The following PRRX2 variants were observed in gnomAD, a reference collection of about 807,000 sequenced individuals.
PRRX2 encodes the protein paired mesoderm homeobox protein 2.
In PRRX2, 11 loss-of-function variants were observed where a neutral mutation model predicts 18.0. The ratio of observed to expected loss-of-function variants is 0.61; its 90% CI spans 0.39 to 1.01. PRRX2 has a LOEUF of 1.01. PRRX2 is among the 50% of genes least tolerant of loss of function. PRRX2 has a pLI of 0.01. For missense variants in PRRX2, 387 were observed against 351.0 expected (o/e 1.10, Z -0.82); for synonymous variants, 177 against 154.8 (o/e 1.14, Z -1.06).
chr9:129,696,523 C>G (rs950548778), intron 1 of PRRX2, among the ~76,000 whole-genome samples: 1 of 152,130 alleles, frequency 6.6e-6, no homozygotes, highest in Non-Finnish European at 1.5e-5. Context: ...TGCAGCGGAG[C>G]CCAGATCGCG....
Position 129,675,179 on chromosome 9 carries a change from T to TGCG in PRRX2, c.259+9054_259+9056dup, listed in dbSNP as rs1454591116. On this transcript the variant is annotated intron_variant, in intron 1 of 3. Transcript: ENST00000372469. The surrounding 1 kb of genome is among the most constrained non-coding windows in gnomAD (Gnocchi z 4.4). ...CCAGTATACAGGAGAGGGAGGGGGCTGCGCTGAGGCTAAGCCCCAGCATCC... is the reference window on the plus strand; with the variant it reads ...CCAGTATACAGGAGAGGGAGGGGGCTGCGGCGCTGAGGCTAAGCCCCAGCATCC... 1.3e-5 allele frequency among the ~76,000 whole-genome samples: 2 copies of TGCG among 152,146 alleles called. No individual in the cohort carries two copies. The highest frequency in any genetic ancestry group is 2.9e-5 in the Non-Finnish European group (2 of 68,004).
chr9:129,707,543 T>C (rs986837711), intron 1 of PRRX2, among the ~76,000 whole-genome samples: 1 of 152,064 alleles, frequency 6.6e-6, no homozygotes, highest in African/African-American at 2.4e-5. Context: ...CCCAGTACTT[T>C]GGGAGGCCAA....
chr9:129,692,702 G>C (rs944304385), intron 1 of PRRX2, among the ~76,000 whole-genome samples: 1 of 152,142 alleles, frequency 6.6e-6, no homozygotes, highest in South Asian at 2.1e-4. Flanking sequence ...ATCCATGTAA[G>C]TTTCTTCCAC....
chr9:129,690,042 C>T (rs1045460996), intron 1 of PRRX2, among the ~76,000 whole-genome samples: 5 of 152,026 alleles, frequency 3.3e-5, no homozygotes, highest in African/African-American at 4.8e-5. Flanking sequence ...TGAGCCACCG[C>T]GCCTGGCCAA....
At position 129,665,923 on chromosome 9, in the gene PRRX2, C is replaced by A; in HGVS notation, c.56C>A (p.Pro19Gln). The change falls in exon 1 of 4, where the codon CCG becomes CAG. Residue 19 changes from proline (P) to glutamine (Q), a missense_variant. Pro to Gln is a moderately conservative substitution (Grantham distance 76, BLOSUM62 -1). Transcript: ENST00000372469. This position sits in a 1 kb window ranked among gnomAD's most constrained non-coding sequence, Gnocchi z 5.3. The stretch of plus-strand genomic sequence containing the variant: ...GACAAGCCGGCGCTGGGCCCGGGGC[C>A]GCCGCCGCCTCCACCCGCGCTGGGG... The part of the protein sequence containing the change: ...ALDKPALGPG[P>Q]PPPPPALGPG... The A allele has an allele frequency of 1.8e-6, 2 of 1,113,300 alleles. No individual in the cohort carries two copies. Among genetic ancestry groups the A allele is most frequent in the Non-Finnish European group, 2.2e-6 (2 of 913,162 alleles). 69.0% of individuals were successfully genotyped at this position (1,113,300 alleles called of 1,614,324 possible).
Position 129,709,122 on chromosome 9 carries a change from C to T in PRRX2, c.260-10109C>T, listed in dbSNP as rs942224412. Among the ~76,000 whole-genome samples, 6 of 152,014 alleles carry T rather than the reference C, an allele frequency of 3.9e-5. No individual in the cohort carries two copies. The highest frequency in any genetic ancestry group is 1.3e-4 in the Admixed American group (2 of 15,248). Reference sequence around the variant, plus strand: ...AGGGCTGGGTCAGCTTTAGCCAGTGCGGTGGGGATGGGGGAAGGGTGCCCT... The same window carrying T: ...AGGGCTGGGTCAGCTTTAGCCAGTGTGGTGGGGATGGGGGAAGGGTGCCCT... On this transcript the variant is annotated intron_variant, in intron 1 of 3. Transcript: ENST00000372469. The surrounding 1 kb of genome is among the most constrained non-coding windows in gnomAD (Gnocchi z 4.2).
intron 1 of PRRX2, among the ~76,000 whole-genome samples, chr9:129,698,332 G>C (rs185705111): frequency 6.6e-6 from 1 of 151,826 alleles, no homozygotes; most frequent in Admixed American, 6.6e-5. Context: ...AAGACCAGGC[G>C]GTGGTGCTGC....
rs1002451578 is a variant in PRRX2 at position 129,695,783 on chromosome 9, T to C, written c.260-23448T>C. Among the ~76,000 whole-genome samples, 10 of 152,242 alleles carry C rather than the reference T, an allele frequency of 6.6e-5. No homozygotes were observed. Among genetic ancestry groups the C allele is most frequent in the South Asian group, 2.1e-4 (1 of 4,834 alleles). On this transcript the variant is annotated intron_variant, in intron 1 of 3. Transcript: ENST00000372469. The surrounding 1 kb of genome is among the most constrained non-coding windows in gnomAD (Gnocchi z 4.8). ...GAACTTTTTAAAAGTGAGTTTTTTTTCTAAAATCCAGAATTTCTGACAGCC... is the reference window on the plus strand; with the variant it reads ...GAACTTTTTAAAAGTGAGTTTTTTTCCTAAAATCCAGAATTTCTGACAGCC...
At position 129,675,296 on chromosome 9, in the gene PRRX2, C is replaced by T. The variant is rs1164526036; in HGVS notation, c.259+9170C>T. On this transcript the variant is annotated intron_variant, in intron 1 of 3. Transcript: ENST00000372469. The surrounding 1 kb of genome is among the most constrained non-coding windows in gnomAD (Gnocchi z 4.4). ...TCCACCAGCATCCATTGAGCACCTACTGAGTACCAGCCCAAGGCAGCCCAG... is the reference window on the plus strand; with the variant it reads ...TCCACCAGCATCCATTGAGCACCTATTGAGTACCAGCCCAAGGCAGCCCAG... Among the ~76,000 whole-genome samples, 1 of 152,194 alleles carries T rather than the reference C, an allele frequency of 6.6e-6. No individual in the cohort carries two copies. Among genetic ancestry groups the T allele is most frequent in the African/African-American group, 2.4e-5 (1 of 41,458 alleles).
At chr9:129,705,855 C>T (rs1832550674) in intron 1 of PRRX2, among the ~76,000 whole-genome samples, 4 of 151,726 alleles carry the variant, frequency 2.6e-5, no homozygotes, top group South Asian at 2.1e-4. Flanking sequence ...GCAGGTGGAT[C>T]GCCTGAGGTC....
rs368281989 is a variant in PRRX2, at chr9:129,700,313, A to AT, written c.260-18909dup. 2.1e-3 allele frequency among the ~76,000 whole-genome samples: 281 copies of AT among 136,528 alleles called. 3 individuals carry two copies. Among genetic ancestry groups the AT allele is most frequent in the African/African-American group, 6.8e-3 (247 of 36,350 alleles). 89.6% of individuals were successfully genotyped at this position (136,528 alleles called of 152,430 possible). ...CAGCTCTTCCTCAGTGGGGTGCTGT[A>AT]TTTTTTTTTGGTTTGTTGTTGTTGT... On this transcript the variant is annotated intron_variant, in intron 1 of 3. Coordinates refer to ENST00000372469, the MANE Select transcript of PRRX2 (RefSeq NM_016307.4).
chr9:129,720,048 C>T (rs529447399), intron 2 of PRRX2, among the ~76,000 whole-genome samples: 1 of 151,948 alleles, frequency 6.6e-6, no homozygotes, highest in Non-Finnish European at 1.5e-5. Context: ...TAGAACAATG[C>T]CTGGCACCAA....
chr9:129,692,937 C>T (rs77317423), intron 1 of PRRX2, among the ~76,000 whole-genome samples: 2,589 of 152,216 alleles, frequency 0.017, 80 homozygotes, highest in African/African-American at 0.057. Context: ...CCAAATCGTA[C>T]GGTAAAAGTA....
chr9:129,672,142 G>A (rs1459653024), intron 1 of PRRX2, among the ~76,000 whole-genome samples: 1 of 152,202 alleles, frequency 6.6e-6, no homozygotes, highest in Non-Finnish European at 1.5e-5. Context: ...AGGGGACCTT[G>A]GGGGTGATTT....
chr9:129,675,382 C>T lies in PRRX2; in HGVS notation c.259+9256C>T, dbSNP rs1350998586. Reference sequence around the variant, plus strand: ...TTCCTGTCTCTCCCTCACCAGCATCCTGACCCCCTCTAGCTTTGGTGGCCA... The same window carrying T: ...TTCCTGTCTCTCCCTCACCAGCATCTTGACCCCCTCTAGCTTTGGTGGCCA... On this transcript the variant is annotated intron_variant, in intron 1 of 3. Coordinates refer to ENST00000372469, the MANE Select transcript of PRRX2 (RefSeq NM_016307.4). This position sits in a 1 kb window ranked among gnomAD's most constrained non-coding sequence, Gnocchi z 4.4. Among the ~76,000 whole-genome samples, 2 of 152,188 alleles carry T rather than the reference C, an allele frequency of 1.3e-5. No individual in the cohort carries two copies. The highest frequency in any genetic ancestry group is 2.4e-5 in the African/African-American group (1 of 41,436).
chr9:129,698,483 A>C (rs1400829137), intron 1 of PRRX2, among the ~76,000 whole-genome samples: 1 of 152,148 alleles, frequency 6.6e-6, no homozygotes, highest in Non-Finnish European at 1.5e-5. Context: ...GGTGAAACAC[A>C]CGTGGCAAGA....
At chr9:129,670,776 C>CAA (rs1564362916) in intron 1 of PRRX2, among the ~76,000 whole-genome samples, 3 of 152,328 alleles carry the variant, frequency 2.0e-5, no homozygotes, top group Admixed American at 2.0e-4. Context: ...GGCATCATCA[C>CAA]AAGACCAGAG....
At chr9:129,711,515 C>A (rs1832620342) in intron 1 of PRRX2, among the ~76,000 whole-genome samples, 1 of 148,710 alleles carries the variant, frequency 6.7e-6, no homozygotes, top group African/African-American at 2.5e-5. Flanking sequence ...AAGCAATTCT[C>A]ATGCCCCAGC....
At chr9:129,713,253 C>G (rs916822111) in intron 1 of PRRX2, 20 of 152,292 alleles carry the variant, frequency 1.3e-4, no homozygotes, top group Admixed American at 1.2e-3. Context: ...TCTTCTCATA[C>G]AGAGCTGGCT....
Sources: allele counts gnomAD v4.1 joint callset (sites outside exome capture counted in the v4.1 genomes callset), GRCh38; gene constraint gnomAD v4.1.1; non-coding constraint Gnocchi (gnomAD v3.1); transcripts MANE v1.5; gene names NCBI Gene and HGNC (gene_info 2026-07-23, HGNC 2026-07-21).